The following PLXNA4 variants were observed in gnomAD, a reference collection of about 807,000 sequenced individuals.
PLXNA4 encodes the protein plexin A4.
A neutral mutation model predicts 191.8 loss-of-function variants in PLXNA4; 44 were observed. The observed-to-expected ratio is 0.23, with a 90% CI of 0.18 to 0.29. PLXNA4 has a LOEUF of 0.29. Among genes scored for constraint, PLXNA4 ranks in the 10% least tolerant of loss-of-function variants. The pLI is 1.00. For synonymous variants in PLXNA4, 1,082 were observed against 1,009.5 expected, an observed-to-expected ratio of 1.07 and a Z score of -1.36; for missense variants, 1,800 against 2,488.8, an observed-to-expected ratio of 0.72 and a Z score of 5.89.
rs1237158261 is a variant in PLXNA4, at chr7:132,442,716, C to A, written c.1371+46576G>T. 3.3e-5 allele frequency among the ~76,000 whole-genome samples: 5 copies of A among 152,212 alleles called. No individual in the cohort carries two copies. In the East Asian group the frequency reaches 5.8e-4, roughly 18 times the overall value. ...GTGGAAAACTGACCAAGACAAAAAA[C>A]AGTCCCAGGCCAACCTGACCTCACA... On this transcript the variant is annotated intron_variant, in intron 3 of 31. Transcript: ENST00000321063.
chr7:132,516,063 G>A (rs1469270991), intron 1 of PLXNA4, among the ~76,000 whole-genome samples: 1 of 152,164 alleles, frequency 6.6e-6, no homozygotes, highest in African/African-American at 2.4e-5. Flanking sequence ...TATATGAGAT[G>A]GCAGTGGGTA....
At position 132,227,479 on chromosome 7, in the gene PLXNA4, C is replaced by T; in HGVS notation, c.1854G>A (p.Lys618=). ...TCTCTGTGATGATCCGGGGCACCTC[C>T]TTGGCTGCAGGGGAGTAGCACTGGA... is the stretch of plus-strand genomic sequence containing the variant. ...NQIQCYSPAA[K]EVPRIITENG... The change falls in exon 7 of 32, where the codon AAG becomes AAA. Residue 618 remains lysine (K), a synonymous_variant. Transcript: ENST00000321063. The T allele has an allele frequency of 6.2e-7, 1 of 1,614,164 alleles. No individual in the cohort carries two copies. Among genetic ancestry groups the T allele is most frequent in the Non-Finnish European group, 8.5e-7 (1 of 1,180,024 alleles).
chr7:132,591,968 T>A (rs1802611324), intron 2 of PLXNA4, among the ~76,000 whole-genome samples: 1 of 152,138 alleles, frequency 6.6e-6, no homozygotes, highest in African/African-American at 2.4e-5. Flanking sequence ...CCACCTGCTG[T>A]TCATCTTCCG....
At chr7:132,235,739 TC>T (rs1466807829) in intron 5 of PLXNA4, among the ~76,000 whole-genome samples, 2 of 152,132 alleles carry the variant, frequency 1.3e-5, no homozygotes, top group African/African-American at 4.8e-5. Flanking sequence ...GAGACAGGCT[TC>T]TTTGCCTGGG....
intron 20 of PLXNA4, among the ~76,000 whole-genome samples, chr7:132,176,057 T>C (rs1796445837): frequency 6.6e-6 from 1 of 152,184 alleles, no homozygotes; most frequent in Non-Finnish European, 1.5e-5. Context: ...CCCTAGGAAC[T>C]GTCTGCAGGG....
Position 132,551,144 on chromosome 7 carries a change from A to T in PLXNA4, c.-87+25278T>A, listed in dbSNP as rs137878926. 1.4e-4 allele frequency among the ~76,000 whole-genome samples: 22 copies of T among 152,310 alleles called. No individual in the cohort carries two copies. The East Asian group carries it at 4.1e-3, about 28-fold the overall frequency. Reference sequence around the variant, plus strand: ...GACAATTCCCCAACACTCAAAGTGCAGTCCTGGCATGCCGAACTTGGAGAC... The same window carrying T: ...GACAATTCCCCAACACTCAAAGTGCTGTCCTGGCATGCCGAACTTGGAGAC... On this transcript the variant is annotated intron_variant, in intron 1 of 31. Coordinates refer to ENST00000321063, the MANE Select transcript of PLXNA4 (RefSeq NM_020911.2).
chr7:132,601,425 C>T (rs1332949819), intron 2 of PLXNA4, among the ~76,000 whole-genome samples: 1 of 152,130 alleles, frequency 6.6e-6, no homozygotes, highest in Non-Finnish European at 1.5e-5. Flanking sequence ...AAGTGATTAC[C>T]TTCTGGTCAA....
intron 3 of PLXNA4, among the ~76,000 whole-genome samples, chr7:132,381,594 A>G (rs544398272): frequency 6.6e-6 from 1 of 152,348 alleles, no homozygotes; most frequent in African/African-American, 2.4e-5. Context: ...GTTGCAAGGA[A>G]CACAGTCTGG....
intron 2 of PLXNA4, among the ~76,000 whole-genome samples, chr7:132,594,270 AC>A (rs1802658667): frequency 6.6e-6 from 1 of 152,180 alleles, no homozygotes. Context: ...CATGGAGAAT[AC>A]CATGTTCTCC....
intron 14 of PLXNA4, among the ~76,000 whole-genome samples, chr7:132,193,016 G>T (rs1191037620): frequency 6.6e-6 from 1 of 152,080 alleles, no homozygotes; most frequent in African/African-American, 2.4e-5. Flanking sequence ...GGTGGGCAGG[G>T]GTTAATGAGG....
At chr7:132,446,239 A>G (rs1795907872) in intron 3 of PLXNA4, among the ~76,000 whole-genome samples, 1 of 152,176 alleles carries the variant, frequency 6.6e-6, no homozygotes. Flanking sequence ...CCCACTAGTA[A>G]AGGTTAGGTA....
chr7:132,385,929 G>A (rs375162011), intron 3 of PLXNA4, among the ~76,000 whole-genome samples: 2 of 152,214 alleles, frequency 1.3e-5, no homozygotes, highest in African/African-American at 2.4e-5. Flanking sequence ...GTTTTTGAAC[G>A]CTGAAGTGGC....
chr7:132,237,160 T>C (rs1307125924), intron 5 of PLXNA4, among the ~76,000 whole-genome samples: 2 of 152,200 alleles, frequency 1.3e-5, no homozygotes, highest in Non-Finnish European at 2.9e-5. Flanking sequence ...ACATTTAAAA[T>C]TGTACCTTTA....
intron 1 of PLXNA4, among the ~76,000 whole-genome samples, chr7:132,541,231 TAG>T (rs1800068069): frequency 6.6e-6 from 1 of 152,326 alleles, no homozygotes; most frequent in South Asian, 2.1e-4. Flanking sequence ...CCCCTTTCCC[TAG>T]AGACTCCTAC....
In PLXNA4 at chr7:132,321,796, T is replaced by C. The variant is rs1412268316; in HGVS notation, c.1372-23574A>G. ...TTTGGAGAGGGCCAAGGTGCATATA[T>C]TGGGGAGCCTGTATGCGGGTGGCCA... On this transcript the variant is annotated intron_variant, in intron 3 of 31. Transcript: ENST00000321063. Among the ~76,000 whole-genome samples, 7 of 152,120 alleles carry C rather than the reference T, an allele frequency of 4.6e-5. No individual in the cohort carries two copies. In the East Asian group the frequency reaches 7.7e-4, roughly 17 times the overall value.
intron 19 of PLXNA4, 67 bp downstream of exon 19, chr7:132,180,519 G>A: frequency 1.3e-6 from 2 of 1,593,696 alleles, no homozygotes; most frequent in Non-Finnish European, 1.7e-6. Context: ...GAAAGCCTTG[G>A]TGGCCTGAGC....
chr7:132,277,749 C>T (rs1800332130), intron 4 of PLXNA4, among the ~76,000 whole-genome samples: 1 of 152,194 alleles, frequency 6.6e-6, no homozygotes, highest in Admixed American at 6.5e-5. Flanking sequence ...TGAGGCTTAA[C>T]ACCTAGCAGG....
At chr7:132,533,544 C>T (rs1799709331) in intron 1 of PLXNA4, among the ~76,000 whole-genome samples, 1 of 152,206 alleles carries the variant, frequency 6.6e-6, no homozygotes, top group Non-Finnish European at 1.5e-5. Context: ...TTACTTAAAA[C>T]AAAAAACCTT....
chr7:132,399,456 A>G (rs1286738595), intron 3 of PLXNA4, among the ~76,000 whole-genome samples: 1 of 152,240 alleles, frequency 6.6e-6, no homozygotes, highest in Non-Finnish European at 1.5e-5. Context: ...AATAAGAGTC[A>G]CGTTATATTA....
Sources: allele counts gnomAD v4.1 joint callset (sites outside exome capture counted in the v4.1 genomes callset), GRCh38; gene constraint gnomAD v4.1.1; transcripts MANE v1.5; gene names NCBI Gene and HGNC (gene_info 2026-07-23, HGNC 2026-07-21).